The following NDUFAF2 variants were observed in gnomAD, a reference collection of about 807,000 sequenced individuals.
NDUFAF2 encodes the protein NADH:ubiquinone oxidoreductase complex assembly factor 2.
NDUFAF2 carries 13 observed loss-of-function variants against 22.8 expected under a neutral mutation model. The observed-to-expected ratio is 0.57, with a 90% CI of 0.37 to 0.91. The LOEUF is 0.91. NDUFAF2 is among the 40% of genes least tolerant of loss of function. The pLI is 0.01. For missense variants in NDUFAF2, 162 were observed against 195.2 expected, an observed-to-expected ratio of 0.83 and a Z score of 1.01; for synonymous variants, 53 against 64.2, an observed-to-expected ratio of 0.83 and a Z score of 0.84.
intron 1 of NDUFAF2, among the ~76,000 whole-genome samples, chr5:61,037,852 T>G (rs1751818602): frequency 6.6e-6 from 1 of 151,944 alleles, no homozygotes; most frequent in Non-Finnish European, 1.5e-5. Flanking sequence ...AGGGTATTAT[T>G]CTGACAAGAT....
At chr5:61,136,035 A>ATATATATATATG (rs1554018957) in intron 3 of NDUFAF2, among the ~76,000 whole-genome samples, 9 of 89,804 alleles carry the variant, frequency 1.0e-4, no homozygotes, top group African/African-American at 3.6e-4. Flanking sequence ...ATATATATAT[A>ATATATATATATG]TATATATCTA....
intron 1 of NDUFAF2, among the ~76,000 whole-genome samples, chr5:61,037,691 T>G (rs140558624): frequency 4.3e-4 from 65 of 152,252 alleles, no homozygotes; most frequent in African/African-American, 1.5e-3. Context: ...CCATCCCCTT[T>G]CCCCTACTCG....
At chr5:61,064,219 C>T (rs1752201853) in intron 1 of NDUFAF2, among the ~76,000 whole-genome samples, 1 of 151,900 alleles carries the variant, frequency 6.6e-6, no homozygotes, top group Non-Finnish European at 1.5e-5. Flanking sequence ...TATATGTACC[C>T]AACATTGGAG....
intron 1 of NDUFAF2, among the ~76,000 whole-genome samples, chr5:61,006,013 G>T (rs902699689): frequency 6.6e-6 from 1 of 152,124 alleles, no homozygotes; most frequent in African/African-American, 2.4e-5. Context: ...TGAAGTCCTT[G>T]CCCATACCTA....
At chr5:61,034,782 C>A (rs1212230052) in intron 1 of NDUFAF2, among the ~76,000 whole-genome samples, 1 of 151,916 alleles carries the variant, frequency 6.6e-6, no homozygotes, top group African/African-American at 2.4e-5. Context: ...AAATATAATA[C>A]CAGAAAGACT....
At chr5:61,110,885 T>G (rs983178363) in intron 3 of NDUFAF2, among the ~76,000 whole-genome samples, 1 of 152,078 alleles carries the variant, frequency 6.6e-6, no homozygotes, top group Non-Finnish European at 1.5e-5. Context: ...CTTTTGCTTT[T>G]GTAATTCTTT....
At chr5:61,074,523 G>A (rs780365614) in intron 2 of NDUFAF2, among the ~76,000 whole-genome samples, 9 of 152,048 alleles carry the variant, frequency 5.9e-5, no homozygotes, top group Non-Finnish European at 1.2e-4. Context: ...GGGGGCAGAG[G>A]TTGCAGTGAG....
At chr5:61,044,212 T>A (rs1453304875) in intron 1 of NDUFAF2, among the ~76,000 whole-genome samples, 1 of 152,074 alleles carries the variant, frequency 6.6e-6, no homozygotes, top group Admixed American at 6.6e-5. Flanking sequence ...TTTTTTTTTT[T>A]ACTGTTGAAT....
chr5:61,122,604 G>A (rs759644996), intron 3 of NDUFAF2, among the ~76,000 whole-genome samples: 1 of 152,032 alleles, frequency 6.6e-6, no homozygotes, highest in Admixed American at 6.6e-5. Context: ...CTATGTTTTT[G>A]TCTCCCCATT....
intron 1 of NDUFAF2, among the ~76,000 whole-genome samples, chr5:60,997,165 G>A (rs2112588729): frequency 6.6e-6 from 1 of 152,198 alleles, no homozygotes; most frequent in East Asian, 1.9e-4. Context: ...TTATAATAGA[G>A]GCATTGATGC....
chr5:61,123,924 T>A (rs295579), intron 3 of NDUFAF2, among the ~76,000 whole-genome samples: 91,386 of 151,942 alleles, frequency 0.6, 28,235 homozygotes, highest in East Asian at 0.94. Flanking sequence ...AGGTATTTTT[T>A]AAATAAAGGG....
chr5:61,030,739 CTTCT>C (rs1029589170), intron 1 of NDUFAF2, among the ~76,000 whole-genome samples: 2 of 151,970 alleles, frequency 1.3e-5, no homozygotes, highest in Admixed American at 6.6e-5. Flanking sequence ...CTGGTTTCCT[CTTCT>C]TTCTTCTTTC....
intron 1 of NDUFAF2, among the ~76,000 whole-genome samples, chr5:60,946,137 A>G (rs564879701): frequency 6.6e-6 from 1 of 152,200 alleles, no homozygotes; most frequent in East Asian, 1.9e-4. Context: ...CATTGAAATC[A>G]CACTGTGTAG....
intron 1 of NDUFAF2, among the ~76,000 whole-genome samples, chr5:60,962,972 G>A (rs1184362027): frequency 2.0e-5 from 3 of 151,868 alleles, no homozygotes; most frequent in African/African-American, 7.2e-5. Context: ...TGCAACCTGC[G>A]CCTTCCAGGT....
At chr5:61,079,147 T>G (rs1752407794) in intron 2 of NDUFAF2, among the ~76,000 whole-genome samples, 2 of 152,216 alleles carry the variant, frequency 1.3e-5, no homozygotes, top group South Asian at 4.1e-4. Context: ...TTTAGGTATA[T>G]TAGACCATAC....
intron 3 of NDUFAF2, among the ~76,000 whole-genome samples, chr5:61,111,147 T>A (rs1579835889): frequency 6.6e-6 from 1 of 152,336 alleles, no homozygotes; most frequent in Admixed American, 6.5e-5. Flanking sequence ...TATTGATTTC[T>A]AGTTTTATTC....
At chr5:60,991,003 C>T (rs1751151172) in intron 1 of NDUFAF2, among the ~76,000 whole-genome samples, 2 of 152,060 alleles carry the variant, frequency 1.3e-5, no homozygotes, top group African/African-American at 4.8e-5. Context: ...AAAAAATTTT[C>T]AAAGTGATTT....
intron 3 of NDUFAF2, among the ~76,000 whole-genome samples, chr5:61,129,489 T>G (rs1472081465): frequency 2.0e-5 from 3 of 152,022 alleles, no homozygotes; most frequent in Non-Finnish European, 2.9e-5. Flanking sequence ...CATGTCCTTT[T>G]TAGGGACATG....
At chr5:61,131,022 TAAG>T (rs1416381777) in intron 3 of NDUFAF2, among the ~76,000 whole-genome samples, 1 of 152,112 alleles carries the variant, frequency 6.6e-6, no homozygotes, top group Non-Finnish European at 1.5e-5. Context: ...TTTGACAACA[TAAG>T]AAGTTTCTAC....
Sources: allele counts gnomAD v4.1 joint callset (sites outside exome capture counted in the v4.1 genomes callset), GRCh38; gene constraint gnomAD v4.1.1; transcripts MANE v1.5; gene names NCBI Gene and HGNC (gene_info 2026-07-23, HGNC 2026-07-21).